The following GALNTL6 variants were observed in gnomAD, a reference collection of about 807,000 sequenced individuals.
GALNTL6 encodes the protein polypeptide N-acetylgalactosaminyltransferase-like 6.
Under a neutral mutation model 73.7 loss-of-function variants are expected in GALNTL6, and 46 were observed. That is an observed-to-expected ratio of 0.62 (90% CI 0.49 to 0.80). The LOEUF (loss-of-function observed/expected upper bound fraction) is 0.80, where lower values mean the gene tolerates loss of function less well. GALNTL6 is among the 30% of genes least tolerant of loss of function. GALNTL6 has a pLI of 0.00. For missense variants in GALNTL6, 604 were observed against 755.0 expected, an observed-to-expected ratio of 0.80 and a Z score of 2.34; for synonymous variants, 259 against 263.7, an observed-to-expected ratio of 0.98 and a Z score of 0.17.
At position 172,333,657 on chromosome 4, in the gene GALNTL6, T is replaced by G. The variant is rs540285310; in HGVS notation, c.387-14866T>G. On this transcript the variant is annotated intron_variant, in intron 4 of 12. Transcript: ENST00000506823. ...CCTCTTTTTCTGTTAATTGTTTTCA[T>G]TTACTTTGCTGTGTAGAATATTTGT... 2.6e-5 allele frequency among the ~76,000 whole-genome samples: 4 copies of G among 152,294 alleles called. 1 individual carries two copies. In the South Asian group the frequency reaches 8.3e-4, roughly 32 times the overall value.
At chr4:172,230,363 G>A (rs776356890) in intron 3 of GALNTL6, among the ~76,000 whole-genome samples, 27 of 152,118 alleles carry the variant, frequency 1.8e-4, no homozygotes, top group Non-Finnish European at 2.9e-4. Flanking sequence ...CGAGGCAGGC[G>A]GATCACAAGG....
chr4:172,461,045 T>C (rs1215725727), intron 5 of GALNTL6, among the ~76,000 whole-genome samples: 2 of 152,012 alleles, frequency 1.3e-5, no homozygotes, highest in African/African-American at 4.8e-5. Context: ...CCATAAAAAA[T>C]GATGAGTTCA....
chr4:172,549,961 C>T (rs1047285712), intron 5 of GALNTL6, among the ~76,000 whole-genome samples: 4 of 152,080 alleles, frequency 2.6e-5, no homozygotes, highest in Non-Finnish European at 4.4e-5. Flanking sequence ...AATATCTTTC[C>T]GTGTCAGTAA....
chr4:172,535,958 T>A lies in GALNTL6; in HGVS notation c.553+187269T>A, dbSNP rs543329960. Among the ~76,000 whole-genome samples, 39 of 152,298 alleles carry A rather than the reference T, an allele frequency of 2.6e-4. 1 individual carries two copies. Among genetic ancestry groups the A allele is most frequent in the African/African-American group, 8.9e-4 (37 of 41,574 alleles). On this transcript the variant is annotated intron_variant, in intron 5 of 12. Transcript: ENST00000506823. ...GAACTCTAGTTCCCATAAACCCAAG[T>A]GTCATGGGAAGGACCCAGTGGGTGG... is the stretch of plus-strand genomic sequence containing the variant.
rs186770749 is a variant in GALNTL6 at position 172,279,613 on chromosome 4, C to A, written c.248-32001C>A. Among the ~76,000 whole-genome samples the A allele has an allele frequency of 5.9e-5, 9 of 152,194 alleles. No individual in the cohort carries two copies. In the East Asian group the frequency reaches 1.7e-3, roughly 29 times the overall value. On this transcript the variant is annotated intron_variant, in intron 3 of 12. Transcript: ENST00000506823. ...ATATATTGGATTTTTGTGCACTGCC[C>A]TGTTGCTGGGAATGTAAAATGGTGC...
At chr4:172,386,231 T>C (rs1308482818) in intron 5 of GALNTL6, among the ~76,000 whole-genome samples, 1 of 152,196 alleles carries the variant, frequency 6.6e-6, no homozygotes, top group Non-Finnish European at 1.5e-5. Context: ...CAGGCTGCTA[T>C]AACAAAAATA....
intron 5 of GALNTL6, among the ~76,000 whole-genome samples, chr4:172,584,080 A>C (rs35980999): frequency 0.49 from 74,724 of 151,382 alleles, 19,455 homozygotes; most frequent in East Asian, 0.73. Flanking sequence ...CAAGGCAACA[A>C]TGATATAAAA....
chr4:172,596,460 GAA>G (rs35054572), intron 5 of GALNTL6, among the ~76,000 whole-genome samples: 1 of 140,438 alleles, frequency 7.1e-6, no homozygotes, highest in Admixed American at 7.2e-5. Flanking sequence ...AAAAAAAAAA[GAA>G]AAAAAAAAAA....
Position 172,086,994 on chromosome 4 carries a change from T to C in GALNTL6, c.139-142662T>C, listed in dbSNP as rs150080697. Among the ~76,000 whole-genome samples the C allele has an allele frequency of 2.9e-3, 449 of 152,310 alleles. 3 individuals are homozygous for C. The highest frequency in any genetic ancestry group is 9.9e-3 in the African/African-American group (412 of 41,578). ...TAAGATGTGCACATGAGAGTCCCTC[T>C]TCTGTCTCCTGCTACCTTCCAGTTC... On this transcript the variant is annotated intron_variant, in intron 2 of 12. Coordinates refer to ENST00000506823, the MANE Select transcript of GALNTL6 (RefSeq NM_001034845.3).
intron 5 of GALNTL6, among the ~76,000 whole-genome samples, chr4:172,624,953 C>T (rs1739108205): frequency 6.6e-6 from 1 of 151,904 alleles, no homozygotes; most frequent in Non-Finnish European, 1.5e-5. Context: ...TTTTTCAACC[C>T]TTTACGCCAT....
chr4:173,027,304 G>A (rs1200294859), intron 12 of GALNTL6, among the ~76,000 whole-genome samples: 1 of 152,104 alleles, frequency 6.6e-6, no homozygotes, highest in Non-Finnish European at 1.5e-5. Flanking sequence ...ATTTTTATGT[G>A]TATAATGTAA....
In GALNTL6 at chr4:172,029,919, T is replaced by C. The variant is rs540440034; in HGVS notation, c.139-199737T>C. 5.3e-5 allele frequency among the ~76,000 whole-genome samples: 8 copies of C among 152,208 alleles called. No individual in the cohort carries two copies. In the East Asian group the frequency reaches 7.7e-4, roughly 15 times the overall value. On this transcript the variant is annotated intron_variant, in intron 2 of 12. Coordinates refer to ENST00000506823, the MANE Select transcript of GALNTL6 (RefSeq NM_001034845.3). ...TGCAATAATGGTTAGCTAATTTACATTGGTAAATTTAAATATGGAAAAAGT... is the reference window on the plus strand; with the variant it reads ...TGCAATAATGGTTAGCTAATTTACACTGGTAAATTTAAATATGGAAAAAGT...
chr4:172,284,955 G>T (rs147826170), intron 3 of GALNTL6, among the ~76,000 whole-genome samples: 3 of 152,190 alleles, frequency 2.0e-5, no homozygotes, highest in African/African-American at 7.2e-5. Context: ...TGAATTTTAG[G>T]ATTGCTTATT....
chr4:172,314,811 C>T (rs939898335), intron 4 of GALNTL6, among the ~76,000 whole-genome samples: 1 of 151,946 alleles, frequency 6.6e-6, no homozygotes, highest in Non-Finnish European at 1.5e-5. Context: ...GGTTTCACCA[C>T]GTTGGCCAGG....
intron 10 of GALNTL6, among the ~76,000 whole-genome samples, chr4:172,959,794 G>T (rs923324599): frequency 2.0e-5 from 3 of 152,174 alleles, no homozygotes; most frequent in Non-Finnish European, 4.4e-5. Context: ...TGGGCTGCGG[G>T]CATTCCTTGG....
chr4:173,021,767 G>A, intron 12 of GALNTL6, 142 bp downstream of exon 12: 1 of 784,392 alleles, frequency 1.3e-6, no homozygotes, highest in East Asian at 2.6e-5. Flanking sequence ...GTCGAGGTGG[G>A]CAGATCACCT....
intron 5 of GALNTL6, among the ~76,000 whole-genome samples, chr4:172,542,992 G>T (rs1056858850): frequency 2.0e-5 from 3 of 152,114 alleles, no homozygotes; most frequent in Non-Finnish European, 4.4e-5. Context: ...AGCTACTCGG[G>T]AGGCTGAGAC....
At chr4:172,006,696 T>C (rs867134710) in intron 2 of GALNTL6, among the ~76,000 whole-genome samples, 1 of 152,018 alleles carries the variant, frequency 6.6e-6, no homozygotes, top group South Asian at 2.1e-4. Flanking sequence ...CTAAAGTTCT[T>C]GGGGGGAATA....
chr4:172,025,914 A>G (rs925046683), intron 2 of GALNTL6, among the ~76,000 whole-genome samples: 1 of 152,022 alleles, frequency 6.6e-6, no homozygotes, highest in Non-Finnish European at 1.5e-5. Context: ...ATGTTAATTC[A>G]AGTCTTATTT....
Sources: gnomAD v4.1 joint callset for allele counts (sites outside exome capture counted in the v4.1 genomes callset) on GRCh38, gnomAD v4.1.1 for gene constraint, MANE v1.5 for transcripts, NCBI Gene and HGNC (gene_info 2026-07-23, HGNC 2026-07-21) for gene names.